GJC3: variants seen among roughly 807,000 people sequenced by gnomAD.
GJC3 encodes the protein gap junction protein gamma 3.
Under a neutral mutation model 19.8 loss-of-function variants are expected in GJC3, and 17 were observed. The ratio of observed to expected loss-of-function variants is 0.86; its 90% CI spans 0.59 to 1.29. The LOEUF (loss-of-function observed/expected upper bound fraction) is 1.29. GJC3 is among the 50% of genes most tolerant of loss of function. The pLI, the probability that GJC3 is intolerant of heterozygous loss-of-function variation, is 0.00. For synonymous variants in GJC3, 140 were observed against 136.5 expected, an observed-to-expected ratio of 1.03 and a Z score of -0.18; for missense variants, 317 against 332.5, an observed-to-expected ratio of 0.95 and a Z score of 0.36.
chr7:99,928,092 G>T (rs1431298377), intron 1 of GJC3, among the ~76,000 whole-genome samples: 1 of 152,224 alleles, frequency 6.6e-6, no homozygotes, highest in Non-Finnish European at 1.5e-5. Flanking sequence ...TGTGCTGCAG[G>T]TCTGAGGGGC....
chr7:99,929,018 G>C lies in GJC3; in HGVS notation c.603C>G (p.Phe201Leu). Reference sequence around the variant, plus strand: ...GCTCCAAAAAAGTAAACAAGAGACAGAAACCGCTGACTCCAAACATGGTCT... The same window carrying C: ...GCTCCAAAAAAGTAAACAAGAGACACAAACCGCTGACTCCAAACATGGTCT... ...FLKTMFGVSG[F>L]CLLFTFLELV... Residue 201 changes from phenylalanine (F) to leucine (L), a missense_variant, in exon 1 of 2, where the codon TTC (phenylalanine) becomes TTG (leucine). By Grantham distance (22) the Phe-to-Leu change is conservative. Transcript: ENST00000312891. The C allele has an allele frequency of 6.2e-7, 1 of 1,614,206 alleles. No homozygotes were observed.
Position 99,929,428 on chromosome 7 carries a change from A to G in GJC3, c.193T>C (p.Phe65Leu). The G allele has an allele frequency of 6.2e-7, 1 of 1,613,984 alleles. No homozygotes were observed. Among genetic ancestry groups the G allele is most frequent in the African/African-American group, 1.3e-5 (1 of 75,026 alleles). The change falls in exon 1 of 2, where the codon TTC (phenylalanine) becomes CTC (leucine). Residue 65 changes from phenylalanine (F) to leucine (L), a missense_variant. Coordinates refer to ENST00000312891, the MANE Select transcript of GJC3 (RefSeq NM_181538.3). ...GGGGAGAGGGGGTGGAAGGCATCGA[A>G]GCAGGCAGCCTTGCAGCCCGGCTGC... Reference protein sequence around the residue: ...TQQPGCKAACFDAFHPLSPLR... With the variant: ...TQQPGCKAACLDAFHPLSPLR...
chr7:99,925,248 T>C (rs1819770278), intron 1 of GJC3, among the ~76,000 whole-genome samples: 1 of 152,070 alleles, frequency 6.6e-6, no homozygotes, highest in African/African-American at 2.4e-5. Flanking sequence ...CAAAATACCT[T>C]GTATACCCCA....
In GJC3 at chr7:99,929,345, C is replaced by G; in HGVS notation, c.276G>C (p.Met92Ile). The change falls in exon 1 of 2, where the codon ATG (methionine) becomes ATC (isoleucine). Residue 92 changes from methionine (M) to isoleucine (I), a missense_variant. Met to Ile is a conservative substitution (Grantham distance 10). Coordinates refer to ENST00000312891, the MANE Select transcript of GJC3 (RefSeq NM_181538.3). Reference sequence around the variant, plus strand: ...AGATCACGTGATACAGAGTGAAACCCATATAGAGGGCGCTGGGTACAGCCA... The same window carrying G: ...AGATCACGTGATACAGAGTGAAACCGATATAGAGGGCGCTGGGTACAGCCA... ...ILVAVPSALY[M>I]GFTLYHVIWH... 1 of 1,614,180 alleles carries G rather than the reference C, an allele frequency of 6.2e-7. No homozygotes were observed.
chr7:99,929,143 C>T lies in GJC3; in HGVS notation c.478G>A (p.Gly160Arg). ...GCAAAGGAGCTGGGCATCTGGAACC[C>T]ATACAGGTGGTACTGCAACCCCAGG... ...AALGLQYHLY[G>R]FQMPSSFACR... is the part of the protein sequence containing the mutation. The change falls in exon 1 of 2, where the codon GGG becomes AGG. Residue 160 changes from glycine to arginine, a missense_variant. Transcript: ENST00000312891. 6.2e-7 allele frequency: 1 copy of T among 1,613,878 alleles called. No homozygotes were observed. Among genetic ancestry groups the T allele is most frequent in the South Asian group, 1.1e-5 (1 of 91,074 alleles).
At chr7:99,929,650 GTGT>G (rs1483425679), upstream of GJC3, 2 of 1,577,774 alleles carry the variant, frequency 1.3e-6, no homozygotes, top group South Asian at 1.1e-5. Flanking sequence ...CAAGAGATCA[GTGT>G]TGTTCACTGT....
At position 99,926,938 on chromosome 7, in the gene GJC3, C is replaced by T. The variant is rs370760956; in HGVS notation, c.781+1902G>A. 2.6e-4 allele frequency among the ~76,000 whole-genome samples: 40 copies of T among 152,304 alleles called. No homozygotes were observed. In the East Asian group the frequency reaches 5.4e-3, roughly 21 times the overall value. ...GGGATTTATTGAAAACCAAAGTACA[C>T]GCCACAGTGTGGGAGCAATCCGAGC... is the stretch of plus-strand genomic sequence containing the variant. On this transcript the variant is annotated intron_variant, in intron 1 of 1. Transcript: ENST00000312891.
upstream of GJC3, chr7:99,929,782 C>G (rs929742458): frequency 6.0e-6 from 4 of 666,370 alleles, no homozygotes; most frequent in East Asian, 5.4e-5. Context: ...GATTGCACCT[C>G]TTTACTACTT....
At chr7:99,930,407 C>T (rs918306531), upstream of GJC3, among the ~76,000 whole-genome samples, 2 of 152,148 alleles carry the variant, frequency 1.3e-5, no homozygotes, top group African/African-American at 2.4e-5. Flanking sequence ...TTTTTGACCC[C>T]CACTTGCCAT....
rs971384684 is a variant in GJC3 at position 99,928,775 on chromosome 7, C to T, written c.781+65G>A. 3.3e-6 allele frequency: 5 copies of T among 1,504,236 alleles called. No individual in the cohort carries two copies. In the African/African-American group the frequency reaches 6.9e-5, roughly 21 times the overall value. 93.2% of individuals were successfully genotyped at this position (1,504,236 alleles called of 1,614,324 possible). A position where few individuals can be genotyped will look rare whatever the true frequency, so the allele number is the denominator to read the frequency against. On this transcript the variant is annotated intron_variant, in intron 1 of 1. Coordinates refer to ENST00000312891, the MANE Select transcript of GJC3 (RefSeq NM_181538.3). ...TGTACTTCCCAGAAAGGTGAGGGAC[C>T]TGCCCCGGGAGGAGATCATCAGGAC...
chr7:99,928,831 CCTT>C lies in GJC3; in HGVS notation c.781+6_781+8del, dbSNP rs748523863. The C allele has an allele frequency of 1.7e-5, 27 of 1,612,932 alleles. No individual in the cohort carries two copies. Among genetic ancestry groups the C allele is most frequent in the Admixed American group, 1.0e-4 (6 of 59,956 alleles). ...CATCAGTGACAGGAAGAGAGCGTGT[CCTT>C]CTCACCTGCTTCTTGAAATTGCTCT... is the stretch of plus-strand genomic sequence containing the variant. On this transcript the variant is annotated splice_donor_region_variant and intron_variant, in intron 1 of 1. Transcript: ENST00000312891.
At chr7:99,929,648 C>T, upstream of GJC3, 1 of 1,577,620 alleles carries the variant, frequency 6.3e-7, no homozygotes, top group Non-Finnish European at 8.6e-7. Flanking sequence ...GACAAGAGAT[C>T]AGTGTTGTTC....
At chr7:99,926,242 G>T (rs1011798378) in intron 1 of GJC3, among the ~76,000 whole-genome samples, 6 of 151,862 alleles carry the variant, frequency 4.0e-5, no homozygotes, top group Non-Finnish European at 7.4e-5. Context: ...GCTGAAGCAG[G>T]AGAATCGCTT....
chr7:99,929,787 C>T (rs1160635991), upstream of GJC3: 2 of 657,710 alleles, frequency 3.0e-6, no homozygotes, highest in Admixed American at 5.1e-5. Flanking sequence ...CACCTCTTTA[C>T]TACTTAATGA....
chr7:99,929,073 G>A lies in GJC3; in HGVS notation c.548C>T (p.Ser183Phe), dbSNP rs1342872585. ...GAAAATGGTCTTCTCAGAGGGGCGGGACAGATTGCAGGTTATACTACCAAG... is the reference window on the plus strand; with the variant it reads ...GAAAATGGTCTTCTCAGAGGGGCGGAACAGATTGCAGGTTATACTACCAAG... ...PCLGSITCNL[S>F]RPSEKTIFLK... is the part of the protein sequence containing the mutation. The change falls in exon 1 of 2, where the codon TCC (serine) becomes TTC (phenylalanine). Residue 183 changes from serine to phenylalanine, a missense_variant. Ser to Phe is a radical substitution (Grantham distance 155). Coordinates refer to ENST00000312891, the MANE Select transcript of GJC3 (RefSeq NM_181538.3). The A allele has an allele frequency of 1.9e-6, 3 of 1,613,920 alleles. No homozygotes were observed. Among genetic ancestry groups the A allele is most frequent in the East Asian group, 4.5e-5 (2 of 44,890 alleles).
chr7:99,929,827 T>G, upstream of GJC3: 4 of 615,074 alleles, frequency 6.5e-6, no homozygotes, highest in Non-Finnish European at 8.6e-6. Flanking sequence ...TAACAGTGAG[T>G]GTGTGTGGTG....
At position 99,923,410 on chromosome 7, in the gene GJC3, G is replaced by A. The variant is rs111302103; in HGVS notation, c.*135C>T. Reference sequence around the variant, plus strand: ...CTGAGTCATTGTATGTAGAGGTGGAGTCAAGGCAGCGCAGTCCCAGTTGTC... The same window carrying A: ...CTGAGTCATTGTATGTAGAGGTGGAATCAAGGCAGCGCAGTCCCAGTTGTC... On this transcript the variant is annotated 3_prime_UTR_variant, in exon 2 of 2. Transcript: ENST00000312891. 12 of 756,274 alleles carry A rather than the reference G, an allele frequency of 1.6e-5. No individual in the cohort carries two copies. The highest frequency in any genetic ancestry group is 1.0e-4 in the African/African-American group (6 of 58,920). The allele number at this position is 756,274 out of a possible 1,614,324, so 46.8% of individuals were successfully genotyped here. A position where few individuals can be genotyped will look rare whatever the true frequency, so the allele number is the denominator to read the frequency against.
intron 1 of GJC3, among the ~76,000 whole-genome samples, chr7:99,925,634 CA>C (rs1443080585): frequency 2.0e-5 from 3 of 152,106 alleles, no homozygotes; most frequent in East Asian, 3.9e-4. Context: ...ATCATACATA[CA>C]ATAAGTATCT....
At chr7:99,925,254 C>A (rs955486198) in intron 1 of GJC3, among the ~76,000 whole-genome samples, 2 of 151,944 alleles carry the variant, frequency 1.3e-5, no homozygotes, top group African/African-American at 4.8e-5. Flanking sequence ...ACCTTGTATA[C>A]CCCATAAATA....
Sources: gnomAD v4.1 joint callset for allele counts (sites outside exome capture counted in the v4.1 genomes callset) on GRCh38, gnomAD v4.1.1 for gene constraint, MANE v1.5 for transcripts, NCBI Gene and HGNC (gene_info 2026-07-23, HGNC 2026-07-21) for gene names.